Variants in MFSD2A observed in about 807,000 individuals in gnomAD.
The protein encoded by MFSD2A is sodium-dependent lysophosphatidylcholine symporter 1.
In MFSD2A, 27 loss-of-function variants were observed where a neutral mutation model predicts 64.7. The observed-to-expected ratio is 0.42, with a 90% CI of 0.31 to 0.58. The LOEUF is 0.58. MFSD2A is among the 20% of genes least tolerant of loss of function. The pLI is 0.18. For synonymous variants in MFSD2A, 258 were observed against 273.4 expected (o/e 0.94, Z 0.55); for missense variants, 474 against 679.5 (o/e 0.70, Z 3.36).
At chr1:39,967,033 C>G (rs1645177785) in intron 8 of MFSD2A, 53 bp from the exon 9 acceptor site, 1 of 1,610,536 alleles carries the variant, frequency 6.2e-7, no homozygotes, top group Admixed American at 1.7e-5. Context: ...GAGGCTCAGC[C>G]CCAACATCAC....
chr1:39,957,545 CTG>C (rs1052094320), intron 2 of MFSD2A, among the ~76,000 whole-genome samples: 10 of 152,336 alleles, frequency 6.6e-5, no homozygotes, highest in African/African-American at 2.4e-4. Context: ...GACTGGCACA[CTG>C]TGTTCCTGGC....
In MFSD2A at chr1:39,963,789, C is replaced by T. The variant is rs536289878; in HGVS notation, c.354-1422C>T. Among the ~76,000 whole-genome samples the T allele has an allele frequency of 7.9e-5, 12 of 152,312 alleles. No homozygotes were observed. In the South Asian group the frequency reaches 2.3e-3, roughly 29 times the overall value. ...CTCACTCCGTCACCAGGCTGGAGTG[C>T]AGTGGTGCGATCTCGGCTCACTGCA... On this transcript the variant is annotated intron_variant, in intron 3 of 13. Transcript: ENST00000372811. This position sits in a 1 kb window ranked among gnomAD's most constrained non-coding sequence, Gnocchi z 4.2.
chr1:39,963,206 T>C lies in MFSD2A; in HGVS notation c.354-2005T>C, dbSNP rs144607079. On this transcript the variant is annotated intron_variant, in intron 3 of 13. Transcript: ENST00000372811. The surrounding 1 kb of genome is among the most constrained non-coding windows in gnomAD (Gnocchi z 4.2). The stretch of plus-strand genomic sequence containing the variant: ...AGCTGCTCATGATGGCTGGTATCGA[T>C]GACTGCTACACCTCAGCCCGGGGCT... The C allele has an allele frequency of 1.9e-6, 3 of 1,579,116 alleles. No homozygotes were observed. The highest frequency in any genetic ancestry group is 1.3e-5 in the African/African-American group (1 of 74,442).
In MFSD2A at chr1:39,966,590, C is replaced by T. The variant is rs1157485254; in HGVS notation, c.715-11C>T. 3 of 1,606,004 alleles carry T rather than the reference C, an allele frequency of 1.9e-6. No homozygotes were observed. Among genetic ancestry groups the T allele is most frequent in the South Asian group, 2.2e-5 (2 of 89,874 alleles). The stretch of plus-strand genomic sequence containing the variant: ...TGACCATCCTTGTATGTCGCCTTCA[C>T]CTCCTTATAGCAAAAGGCATACCTG... On this transcript the variant is annotated splice_polypyrimidine_tract_variant and intron_variant, in intron 6 of 13. Transcript: ENST00000372811.
At chr1:39,967,031 G>A (rs533212536) in intron 8 of MFSD2A, 55 bp from the exon 9 acceptor site, 3 of 1,610,904 alleles carry the variant, frequency 1.9e-6, no homozygotes, top group African/African-American at 1.3e-5. Context: ...GGGAGGCTCA[G>A]CCCCAACATC....
chr1:39,963,168 C>T lies in MFSD2A; in HGVS notation c.354-2043C>T. ...CAGGAGCACTGGCATCGTCTCCACA[C>T]CTGTGCCCAAGAAGCTGCTCATGAT... is the stretch of plus-strand genomic sequence containing the variant. On this transcript the variant is annotated intron_variant, in intron 3 of 13. Transcript: ENST00000372811. The surrounding 1 kb of genome is among the most constrained non-coding windows in gnomAD (Gnocchi z 4.2). 1.3e-6 allele frequency: 2 copies of T among 1,515,732 alleles called. No homozygotes were observed. Among genetic ancestry groups the T allele is most frequent in the Non-Finnish European group, 1.8e-6 (2 of 1,109,740 alleles). The allele number at this position is 1,515,732 out of a possible 1,614,324, so 93.9% of individuals were successfully genotyped here.
chr1:39,955,654 C>A lies in MFSD2A; in HGVS notation c.93+269C>A. 1 of 665,144 alleles carries A rather than the reference C, an allele frequency of 1.5e-6. No homozygotes were observed. Among genetic ancestry groups the A allele is most frequent in the Non-Finnish European group, 2.8e-6 (1 of 361,294 alleles). 41.2% of individuals were successfully genotyped at this position (665,144 alleles called of 1,614,324 possible). A position where few individuals can be genotyped will look rare whatever the true frequency, so the allele number is the denominator to read the frequency against. ...CCATGTGATTCCCCGCTCTGCCTAG[C>A]CGGTTTCCATTCTTCCGTGTTGAGC... On this transcript the variant is annotated intron_variant, in intron 1 of 13. Transcript: ENST00000372811. This position sits in a 1 kb window ranked among gnomAD's most constrained non-coding sequence, Gnocchi z 5.9.
chr1:39,967,956 C>G (rs759723190), intron 11 of MFSD2A, 40 bp downstream of exon 11: 2 of 1,296,062 alleles, frequency 1.5e-6, no homozygotes, highest in South Asian at 2.5e-5. Context: ...TATCTCCAGC[C>G]CCTAGTCCCC....
intron 2 of MFSD2A, 92 bp downstream of exon 2, chr1:39,957,313 T>TCACAGATG: frequency 1.5e-6 from 2 of 1,326,814 alleles, no homozygotes; most frequent in Non-Finnish European, 2.0e-6. Flanking sequence ...TTTCCCCATC[T>TCACAGATG]GTGAAATGGG....
At position 39,958,039 on chromosome 1, in the gene MFSD2A, G is replaced by C. The variant is rs1644964384; in HGVS notation, c.229-662G>C. The C allele has an allele frequency of 6.5e-6, 1 of 153,000 alleles. No homozygotes were observed. The highest frequency in any genetic ancestry group is 1.5e-5 in the Non-Finnish European group (1 of 68,682). 9.5% of individuals were successfully genotyped at this position (153,000 alleles called of 1,614,324 possible). ...TCAAAGTGTAAACCTGTTGTAGTGG[G>C]TGTTAGAGCTGGGGTTGGGGGGTTA... On this transcript the variant is annotated intron_variant, in intron 2 of 13. Transcript: ENST00000372811. The surrounding 1 kb of genome is among the most constrained non-coding windows in gnomAD (Gnocchi z 4.7).
At chr1:39,956,965 GA>G (rs1301802133) in intron 1 of MFSD2A, 121 bp from the exon 2 acceptor site, 2 of 688,560 alleles carry the variant, frequency 2.9e-6, no homozygotes, top group East Asian at 6.0e-5. Context: ...TCCTGGATAG[GA>G]ACAGGTCAAA....
chr1:39,968,753 G>T lies in MFSD2A; in HGVS notation c.1529+8G>T. The T allele has an allele frequency of 6.2e-7, 1 of 1,613,930 alleles. No individual in the cohort carries two copies. The highest frequency in any genetic ancestry group is 8.5e-7 in the Non-Finnish European group (1 of 1,179,974). On this transcript the variant is annotated splice_region_variant and intron_variant, in intron 13 of 13. Transcript: ENST00000372811. This position sits in a 1 kb window ranked among gnomAD's most constrained non-coding sequence, Gnocchi z 4.4. Reference sequence around the variant, plus strand: ...GGCCCTGCAGGCACTGAGGTGAGTGGGGAGGGGACAGGATGCTGGAGGAGG... The same window carrying T: ...GGCCCTGCAGGCACTGAGGTGAGTGTGGAGGGGACAGGATGCTGGAGGAGG...
rs753280966 is a variant in MFSD2A, at chr1:39,957,117, T to A, written c.124T>A (p.Ser42Thr). ...KEPKKKKQQLSVCNKLCYALG... is the reference protein window; with the variant it reads ...KEPKKKKQQLTVCNKLCYALG... ...ACCGAAAAAGAAGAAACAACAGTTG[T>A]CTGTTTGCAACAAGCTTTGCTATGC... Residue 42 changes from serine (S) to threonine (T), a missense_variant, in exon 2 of 14, where the codon TCT becomes ACT. Physicochemically the swap from Ser to Thr is moderately conservative, Grantham distance 58 (BLOSUM62 1). Coordinates refer to ENST00000372811, the MANE Select transcript of MFSD2A (RefSeq NM_032793.5). The A allele has an allele frequency of 6.8e-6, 11 of 1,614,002 alleles. 1 individual carries two copies. The South Asian group carries it at 1.2e-4, about 18-fold the overall frequency.
At chr1:39,957,321 G>A in intron 2 of MFSD2A, 100 bp downstream of exon 2, 1 of 1,268,920 alleles carries the variant, frequency 7.9e-7, no homozygotes, top group Non-Finnish European at 1.1e-6. Context: ...TCTGTGAAAT[G>A]GGACCCCAAA....
chr1:39,967,191 GC>G (rs752586977), intron 9 of MFSD2A, 22 bp downstream of exon 9: 1 of 1,609,534 alleles, frequency 6.2e-7, no homozygotes, highest in Admixed American at 1.7e-5. Context: ...CTGAGCAGGG[GC>G]GGGCAGCCTG....
At chr1:39,959,103 A>C (rs2124759524) in intron 3 of MFSD2A, among the ~76,000 whole-genome samples, 1 of 152,224 alleles carries the variant, frequency 6.6e-6, no homozygotes, top group Non-Finnish European at 1.5e-5. Context: ...TGAAGCTGGA[A>C]TTCTGAATTC....
rs1247716715 is a variant in MFSD2A at position 39,958,697 on chromosome 1, C to A, written c.229-4C>A. ...AAGTTGTCTTTTGCTTCTCCTCATT[C>A]CAGGTGGGCCCTTTCTCTGCCTCCA... On this transcript the variant is annotated splice_polypyrimidine_tract_variant and splice_region_variant and intron_variant, in intron 2 of 13. Transcript: ENST00000372811. This position sits in a 1 kb window ranked among gnomAD's most constrained non-coding sequence, Gnocchi z 4.7. 1 of 1,614,132 alleles carries A rather than the reference C, an allele frequency of 6.2e-7. No homozygotes were observed. The highest frequency in any genetic ancestry group is 8.5e-7 in the Non-Finnish European group (1 of 1,180,038).
intron 9 of MFSD2A, 83 bp downstream of exon 9, chr1:39,967,252 G>A (rs1410034593): frequency 1.5e-6 from 2 of 1,296,688 alleles, no homozygotes; most frequent in Non-Finnish European, 2.2e-6. Context: ...GGCAGAGGAT[G>A]TTTCTCAGGC....
Position 39,967,837 on chromosome 1 carries a change from A to G in MFSD2A, c.1129A>G (p.Met377Val), listed in dbSNP as rs1330844737. The change falls in exon 11 of 14, where the codon ATG becomes GTG. Residue 377 changes from methionine to valine, a missense_variant. Met to Val is a conservative substitution (Grantham distance 21). Transcript: ENST00000372811. Reference protein sequence around the residue: ...AVPFLILVALMESNLIITYAV... With the variant: ...AVPFLILVALVESNLIITYAV... ...GCCATTTCTCATCTTGGTGGCCCTC[A>G]TGGAGAGTAACCTCATCATTACATA... is the stretch of plus-strand genomic sequence containing the variant. 6.8e-6 allele frequency: 11 copies of G among 1,613,848 alleles called. No individual in the cohort carries two copies. The highest frequency in any genetic ancestry group is 1.3e-5 in the African/African-American group (1 of 74,854).
Sources: allele counts gnomAD v4.1 joint callset (sites outside exome capture counted in the v4.1 genomes callset), GRCh38; gene constraint gnomAD v4.1.1; non-coding constraint Gnocchi (gnomAD v3.1); transcripts MANE v1.5; gene names NCBI Gene and HGNC (gene_info 2026-07-23, HGNC 2026-07-21).